The following FA2H variants were observed in gnomAD, a reference collection of about 807,000 sequenced individuals.
The protein encoded by FA2H is fatty acid alpha-hydroxylase.
In FA2H, 22 loss-of-function variants were observed where a neutral mutation model predicts 44.9. The ratio of observed to expected loss-of-function variants is 0.49; its 90% confidence interval spans 0.35 to 0.70. The LOEUF is 0.70. Among genes scored for constraint, FA2H ranks in the 30% least tolerant of loss-of-function variants. The probability of loss-of-function intolerance (pLI) is 0.01; values close to 1 mark genes in which losing one functional copy is unlikely to be tolerated. For synonymous variants in FA2H, 243 were observed against 213.2 expected, an observed-to-expected ratio of 1.14 and a Z score of -1.22; for missense variants, 501 against 504.9, an observed-to-expected ratio of 0.99 and a Z score of 0.07.
At position 74,716,437 on chromosome 16, in the gene FA2H, A is replaced by G. The variant is rs1308764899; in HGVS notation, c.949T>C (p.Tyr317His). The G allele has an allele frequency of 1.2e-6, 2 of 1,614,062 alleles. No individual in the cohort carries two copies. The highest frequency in any genetic ancestry group is 2.2e-5 in the East Asian group (1 of 44,820). ...GYVLYDMTHYYLHFGSPHKGS... is the reference protein window; with the variant it reads ...GYVLYDMTHYHLHFGSPHKGS... ...TTGTGCGGCGAGCCAAAGTGCAGGT[A>G]GTAATGGGTCATGTCATAGAGGACG... The change falls in exon 6 of 7, where the codon TAC (tyrosine) becomes CAC (histidine). Residue 317 changes from tyrosine (Y) to histidine (H), a missense_variant. Physicochemically the swap from Tyr to His is moderately conservative, Grantham distance 83. Transcript: ENST00000219368.
intron 1 of FA2H, among the ~76,000 whole-genome samples, chr16:74,760,863 T>C (rs899444271): frequency 5.9e-5 from 9 of 152,186 alleles, no homozygotes; most frequent in Non-Finnish European, 1.2e-4. Flanking sequence ...TTGAAAATAC[T>C]GGGCACTTGG....
intron 1 of FA2H, among the ~76,000 whole-genome samples, chr16:74,743,400 A>C (rs1357396100): frequency 6.6e-6 from 1 of 152,238 alleles, no homozygotes; most frequent in African/African-American, 2.4e-5. Flanking sequence ...GCTTCATTCA[A>C]CTGGAAGTAT....
At position 74,764,666 on chromosome 16, in the gene FA2H, C is replaced by T. The variant is rs116100392; in HGVS notation, c.270+9820G>A. On this transcript the variant is annotated intron_variant, in intron 1 of 6. Coordinates refer to ENST00000219368, the MANE Select transcript of FA2H (RefSeq NM_024306.5). ...GACAAAATAATCTGTACTACAAACC[C>T]CCATGACATGAGTTTACCTATTTAA... 2.8e-3 allele frequency among the ~76,000 whole-genome samples: 419 copies of T among 152,096 alleles called. 3 individuals carry two copies. The highest frequency in any genetic ancestry group is 9.8e-3 in the African/African-American group (406 of 41,474).
At chr16:74,759,309 G>A (rs1347026408) in intron 1 of FA2H, among the ~76,000 whole-genome samples, 1 of 152,190 alleles carries the variant, frequency 6.6e-6, no homozygotes, top group East Asian at 1.9e-4. Context: ...CCGTAGAGAA[G>A]GTCTGATGTG....
At position 74,719,027 on chromosome 16, in the gene FA2H, G is replaced by A. The variant is rs1157291296; in HGVS notation, c.747C>T (p.Leu249=). 3 of 1,614,010 alleles carry A rather than the reference G, an allele frequency of 1.9e-6. No homozygotes were observed. The highest frequency in any genetic ancestry group is 3.3e-5 in the Admixed American group (2 of 60,036). The part of the protein sequence containing the change: ...HMKPPSDSYY[L]IMLHFVMHGQ... ...CGTGCATGACGAAGTGCAGCATGAT[G>A]AGGTAATAGCTGTCGCTGGGGGGCT... The change falls in exon 5 of 7, where the codon CTC becomes CTT. Residue 249 remains leucine, a synonymous_variant. Coordinates refer to ENST00000219368, the MANE Select transcript of FA2H (RefSeq NM_024306.5).
rs752782914 is a variant in FA2H, at chr16:74,716,458, G to A, written c.928C>T (p.Leu310Phe). 1 of 1,614,000 alleles carries A rather than the reference G, an allele frequency of 6.2e-7. No individual in the cohort carries two copies. The highest frequency in any genetic ancestry group is 8.5e-7 in the Non-Finnish European group (1 of 1,180,002). Reference sequence around the variant, plus strand: ...AGGTAGTAATGGGTCATGTCATAGAGGACGTAGCCCAGGAGGCCCCCCGCA... The same window carrying A: ...AGGTAGTAATGGGTCATGTCATAGAAGACGTAGCCCAGGAGGCCCCCCGCA... ...VFAGGLLGYV[L>F]YDMTHYYLHF... Residue 310 changes from leucine (L) to phenylalanine (F), a missense_variant, in exon 6 of 7, where the codon CTC (leucine) becomes TTC (phenylalanine). Leu to Phe is a conservative substitution (Grantham distance 22). Coordinates refer to ENST00000219368, the MANE Select transcript of FA2H (RefSeq NM_024306.5).
chr16:74,751,936 C>T (rs748278953), intron 1 of FA2H, among the ~76,000 whole-genome samples: 45 of 152,196 alleles, frequency 3.0e-4, no homozygotes, highest in Admixed American at 7.8e-4. Flanking sequence ...AACCTGGCCC[C>T]GGTGAGCTTT....
rs139489596 is a variant in FA2H, at chr16:74,738,609, C to A, written c.363+1414G>T. Among the ~76,000 whole-genome samples the A allele has an allele frequency of 1.7e-3, 255 of 152,326 alleles. 1 individual carries two copies. Among genetic ancestry groups the A allele is most frequent in the African/African-American group, 5.9e-3 (247 of 41,568 alleles). ...TTCAGAATTCAAGCCCTAAGCCAAGCTCACAGATGCCTCTCTCTGCAGCTC... is the reference window on the plus strand; with the variant it reads ...TTCAGAATTCAAGCCCTAAGCCAAGATCACAGATGCCTCTCTCTGCAGCTC... On this transcript the variant is annotated intron_variant, in intron 2 of 6. Coordinates refer to ENST00000219368, the MANE Select transcript of FA2H (RefSeq NM_024306.5).
intron 1 of FA2H, among the ~76,000 whole-genome samples, chr16:74,747,825 C>A (rs1346521645): frequency 6.6e-6 from 1 of 152,144 alleles, no homozygotes; most frequent in Non-Finnish European, 1.5e-5. Flanking sequence ...TTCAACCACC[C>A]ACTTTGTGAC....
chr16:74,742,647 A>C (rs1048760733), intron 1 of FA2H, among the ~76,000 whole-genome samples: 1 of 152,106 alleles, frequency 6.6e-6, no homozygotes, highest in Non-Finnish European at 1.5e-5. Context: ...CAGCCTGGGC[A>C]ACAAAGCAAG....
At chr16:74,720,463 T>C (rs1961811747) in intron 4 of FA2H, among the ~76,000 whole-genome samples, 1 of 152,076 alleles carries the variant, frequency 6.6e-6, no homozygotes, top group Non-Finnish European at 1.5e-5. Flanking sequence ...CCCAAAGTGC[T>C]GGGATTACAG....
intron 1 of FA2H, among the ~76,000 whole-genome samples, chr16:74,772,425 C>T (rs1478345344): frequency 6.6e-6 from 1 of 152,228 alleles, no homozygotes; most frequent in East Asian, 1.9e-4. Context: ...TGTTCCCTCT[C>T]CTTCCCCATT....
At chr16:74,728,287 T>C (rs763783096) in intron 2 of FA2H, among the ~76,000 whole-genome samples, 1 of 152,138 alleles carries the variant, frequency 6.6e-6, no homozygotes, top group Non-Finnish European at 1.5e-5. Context: ...TAACGGTACC[T>C]GCATTAAGTG....
At chr16:74,752,473 A>G (rs1036681895) in intron 1 of FA2H, among the ~76,000 whole-genome samples, 1 of 152,084 alleles carries the variant, frequency 6.6e-6, no homozygotes, top group Non-Finnish European at 1.5e-5. Flanking sequence ...CGGTCCTGTC[A>G]TGCCTCAGGG....
chr16:74,736,393 A>T (rs6564164), intron 2 of FA2H, among the ~76,000 whole-genome samples: 1 of 152,276 alleles, frequency 6.6e-6, no homozygotes, highest in East Asian at 1.9e-4. Context: ...CAGTGCCCAC[A>T]GTGCCAAGGC....
At chr16:74,740,401 G>T (rs1023761454) in intron 1 of FA2H, among the ~76,000 whole-genome samples, 4 of 152,020 alleles carry the variant, frequency 2.6e-5, no homozygotes, top group Admixed American at 6.6e-5. Context: ...TGGATCGCCC[G>T]AGGTCAGGAG....
Position 74,774,676 on chromosome 16 carries a change from A to G in FA2H, c.80T>C (p.Val27Ala). ...QRRLAAGACWVRRGARLYDLS... is the reference protein window; with the variant it reads ...QRRLAAGACWARRGARLYDLS... ...GTCGTAGAGGCGGGCCCCGCGGCGG[A>G]CCCAGCACGCGCCGGCCGCCAGGCG... Residue 27 changes from valine (V) to alanine (A), a missense_variant, in exon 1 of 7, where the codon GTC (valine) becomes GCC (alanine). Coordinates refer to ENST00000219368, the MANE Select transcript of FA2H (RefSeq NM_024306.5). 1 of 1,409,302 alleles carries G rather than the reference A, an allele frequency of 7.1e-7. No individual in the cohort carries two copies. Among genetic ancestry groups the G allele is most frequent in the Non-Finnish European group, 9.2e-7 (1 of 1,085,902 alleles). The allele number at this position is 1,409,302 out of a possible 1,614,324, so 87.3% of individuals were successfully genotyped here.
chr16:74,716,463 T>G lies in FA2H; in HGVS notation c.923A>C (p.Tyr308Ser). The G allele has an allele frequency of 6.2e-7, 1 of 1,613,942 alleles. No individual in the cohort carries two copies. Among genetic ancestry groups the G allele is most frequent in the Non-Finnish European group, 8.5e-7 (1 of 1,180,004 alleles). ...GTAATGGGTCATGTCATAGAGGACG[T>G]AGCCCAGGAGGCCCCCCGCAAACAC... ...GTVFAGGLLG[Y>S]VLYDMTHYYL... The change falls in exon 6 of 7, where the codon TAC (tyrosine) becomes TCC (serine). Residue 308 changes from tyrosine (Y) to serine (S), a missense_variant. Tyr to Ser is a moderately radical substitution (Grantham distance 144). Coordinates refer to ENST00000219368, the MANE Select transcript of FA2H (RefSeq NM_024306.5).
At chr16:74,747,949 A>ACCGAGGGAGGCAT (rs1221926721) in intron 1 of FA2H, among the ~76,000 whole-genome samples, 1 of 152,142 alleles carries the variant, frequency 6.6e-6, no homozygotes, top group Non-Finnish European at 1.5e-5. Context: ...AGAGGGGACA[A>ACCGAGGGAGGCAT]CCGAGGGAGG....
Sources: allele counts gnomAD v4.1 joint callset (sites outside exome capture counted in the v4.1 genomes callset), GRCh38; gene constraint gnomAD v4.1.1; transcripts MANE v1.5; gene names NCBI Gene and HGNC (gene_info 2026-07-23, HGNC 2026-07-21).